Variants in GRM5 observed in about 807,000 individuals in gnomAD.
GRM5 encodes the protein metabotropic glutamate receptor 5.
Under a neutral mutation model 83.1 loss-of-function variants are expected in GRM5, and 19 were observed. The ratio of observed to expected loss-of-function variants is 0.23; its 90% confidence interval spans 0.16 to 0.34. GRM5 has a LOEUF of 0.34. Among genes scored for constraint, GRM5 ranks in the 10% least tolerant of loss-of-function variants. The pLI, the probability that GRM5 is intolerant of heterozygous loss-of-function variation, is 1.00. For missense variants in GRM5, 1,160 were observed against 1,588.3 expected, an observed-to-expected ratio of 0.73 and a Z score of 4.58; for synonymous variants, 675 against 633.6, an observed-to-expected ratio of 1.07 and a Z score of -0.98.
rs1324061609 is a variant in GRM5 at position 88,507,364 on chromosome 11, G to T, written c.*1228C>A. ...TCTACATTTGTCATAGTTCATAGCT[G>T]CCCTGTTTAAGCAGCCAAGAATAGT... On this transcript the variant is annotated 3_prime_UTR_variant, in exon 10 of 10. Transcript: ENST00000305447. The T allele has an allele frequency of 6.6e-6, 1 of 152,266 alleles. No homozygotes were observed. The highest frequency in any genetic ancestry group is 1.9e-4 in the East Asian group (1 of 5,184). The allele number at this position is 152,266 out of a possible 1,614,324, so 9.4% of individuals were successfully genotyped here.
intron 3 of GRM5, among the ~76,000 whole-genome samples, chr11:88,689,028 C>T (rs755316762): frequency 1.3e-5 from 2 of 151,870 alleles, no homozygotes; most frequent in Non-Finnish European, 1.5e-5. Flanking sequence ...AAATTAATAA[C>T]GTAATGCTCA....
Position 88,732,564 on chromosome 11 carries a change from G to T in GRM5, c.912-79161C>A, listed in dbSNP as rs115541508. ...AAAATCGCCTTATTTTTCAGATGAG[G>T]ACACTTGAATTTAGAGAAAAGGATT... On this transcript the variant is annotated intron_variant, in intron 3 of 9. Coordinates refer to ENST00000305447, the MANE Select transcript of GRM5 (RefSeq NM_001143831.3). 1.0e-2 allele frequency among the ~76,000 whole-genome samples: 1,513 copies of T among 151,970 alleles called. 26 individuals carry two copies. The highest frequency in any genetic ancestry group is 0.035 in the African/African-American group (1,453 of 41,450).
intron 1 of GRM5, among the ~76,000 whole-genome samples, chr11:89,058,015 G>A (rs1941912993): frequency 6.6e-6 from 1 of 151,944 alleles, no homozygotes; most frequent in South Asian, 2.1e-4. Context: ...GGCAGAACCA[G>A]GACATGAATC....
At chr11:88,984,299 C>T (rs1361243055) in intron 2 of GRM5, among the ~76,000 whole-genome samples, 1 of 152,088 alleles carries the variant, frequency 6.6e-6, no homozygotes, top group Admixed American at 6.5e-5. Flanking sequence ...TGTATTTTTA[C>T]TGTACCTTTT....
At chr11:88,635,246 A>G (rs1404487857) in intron 4 of GRM5, among the ~76,000 whole-genome samples, 4 of 152,156 alleles carry the variant, frequency 2.6e-5, no homozygotes, top group African/African-American at 9.7e-5. Context: ...AGGAAACTCC[A>G]TCCTATTTTC....
At chr11:89,018,833 T>C (rs780778753) in intron 2 of GRM5, among the ~76,000 whole-genome samples, 21 of 152,230 alleles carry the variant, frequency 1.4e-4, no homozygotes, top group Non-Finnish European at 2.5e-4. Flanking sequence ...TGTAGATTTA[T>C]AGAACCACTG....
chr11:88,824,115 G>C (rs1340417109), intron 3 of GRM5, among the ~76,000 whole-genome samples: 2 of 151,940 alleles, frequency 1.3e-5, no homozygotes. Context: ...ATCTCTTCTT[G>C]CATTCCTTCG....
chr11:89,006,869 C>T (rs1296575996), intron 2 of GRM5, among the ~76,000 whole-genome samples: 1 of 152,238 alleles, frequency 6.6e-6, no homozygotes. Context: ...GCAATCTCGG[C>T]TCACTGCAAG....
At chr11:88,742,500 C>T (rs1177052309) in intron 3 of GRM5, among the ~76,000 whole-genome samples, 1 of 151,978 alleles carries the variant, frequency 6.6e-6, no homozygotes, top group Non-Finnish European at 1.5e-5. Flanking sequence ...AATGTTCTTT[C>T]CATAATACCA....
intron 3 of GRM5, among the ~76,000 whole-genome samples, chr11:88,714,050 T>G (rs773413018): frequency 3.9e-5 from 6 of 152,034 alleles, no homozygotes; most frequent in African/African-American, 9.7e-5. Context: ...GGTGGATGTT[T>G]TTCTGTGCAA....
intron 3 of GRM5, among the ~76,000 whole-genome samples, chr11:88,699,795 A>G (rs1209868671): frequency 1.3e-5 from 2 of 152,188 alleles, no homozygotes; most frequent in African/African-American, 4.8e-5. Flanking sequence ...TGATTTAAAT[A>G]CGTTATGTCA....
intron 3 of GRM5, among the ~76,000 whole-genome samples, chr11:88,843,153 C>T (rs1159498977): frequency 1.3e-5 from 2 of 152,174 alleles, no homozygotes. Context: ...TCTGTTGGCA[C>T]TATTTTTCCA....
At chr11:88,894,984 C>G (rs1187412612) in intron 2 of GRM5, among the ~76,000 whole-genome samples, 1 of 151,902 alleles carries the variant, frequency 6.6e-6, no homozygotes, top group Non-Finnish European at 1.5e-5. Flanking sequence ...GTTTTTGAAG[C>G]CACCTGGTGC....
chr11:88,869,421 T>A (rs905676895), intron 2 of GRM5, among the ~76,000 whole-genome samples: 1 of 151,584 alleles, frequency 6.6e-6, no homozygotes, highest in Non-Finnish European at 1.5e-5. Flanking sequence ...TTCCAAGAAC[T>A]CCAGCAATGC....
At chr11:88,988,421 G>C (rs1161534211) in intron 2 of GRM5, among the ~76,000 whole-genome samples, 3 of 151,982 alleles carry the variant, frequency 2.0e-5, no homozygotes, top group Non-Finnish European at 4.4e-5. Flanking sequence ...ATGGAACCAA[G>C]TTGGAAAACA....
At chr11:88,643,899 C>T (rs148071332) in intron 4 of GRM5, among the ~76,000 whole-genome samples, 4 of 152,236 alleles carry the variant, frequency 2.6e-5, no homozygotes, top group Non-Finnish European at 5.9e-5. Flanking sequence ...AAGGAAGTAT[C>T]CTCTAACAAC....
At chr11:88,554,106 T>G (rs1256363300) in intron 8 of GRM5, among the ~76,000 whole-genome samples, 1 of 152,160 alleles carries the variant, frequency 6.6e-6, no homozygotes, top group African/African-American at 2.4e-5. Flanking sequence ...TGGCTTCCAC[T>G]GAGTTAAAAT....
intron 2 of GRM5, among the ~76,000 whole-genome samples, chr11:88,997,555 A>C (rs1308159800): frequency 6.6e-6 from 1 of 152,082 alleles, no homozygotes; most frequent in Non-Finnish European, 1.5e-5. Flanking sequence ...ACTGAAAAAA[A>C]TGAGACAGAG....
At position 89,047,499 on chromosome 11, in the gene GRM5, C is replaced by A. The variant is rs776573553; in HGVS notation, c.374G>T (p.Gly125Val). 3.7e-6 allele frequency: 6 copies of A among 1,614,198 alleles called. No individual in the cohort carries two copies. The highest frequency in any genetic ancestry group is 1.1e-5 in the South Asian group (1 of 91,080). The change falls in exon 2 of 10, where the codon GGC becomes GTC. Residue 125 changes from glycine (G) to valine (V), a missense_variant. Coordinates refer to ENST00000305447, the MANE Select transcript of GRM5 (RefSeq NM_001143831.3). The surrounding 1 kb of genome is among the most constrained non-coding windows in gnomAD (Gnocchi z 5.1). ...DSLISSEEEE[G>V]LVRCVDGSSS... ...GGAGCCATCCACACAGCGTACCAAGCCTTCTTCCTCTTCTGAAGAAATGAG... is the reference window on the plus strand; with the variant it reads ...GGAGCCATCCACACAGCGTACCAAGACTTCTTCCTCTTCTGAAGAAATGAG...
Sources: gnomAD v4.1 joint callset for allele counts (sites outside exome capture counted in the v4.1 genomes callset) on GRCh38, gnomAD v4.1.1 for gene constraint, Gnocchi (gnomAD v3.1) non-coding constraint, MANE v1.5 for transcripts, NCBI Gene and HGNC (gene_info 2026-07-23, HGNC 2026-07-21) for gene names.